CAMTA1: variants seen among roughly 807,000 people sequenced by gnomAD.
CAMTA1 encodes calmodulin binding transcription activator 1, also known as calmodulin-binding transcription activator 1.
A neutral mutation model predicts 170.9 loss-of-function variants in CAMTA1; 27 were observed. The ratio of observed to expected loss-of-function variants is 0.16; its 90% CI spans 0.12 to 0.22. The LOEUF is 0.22. Among genes scored for constraint, CAMTA1 ranks in the 10% least tolerant of loss-of-function variants. CAMTA1 has a pLI of 1.00. For synonymous variants in CAMTA1, 833 were observed against 891.5 expected (o/e 0.93, Z 1.17); for missense variants, 1,619 against 2,217.2 (o/e 0.73, Z 5.42).
chr1:7,332,896 G>A (rs568067212), intron 5 of CAMTA1, among the ~76,000 whole-genome samples: 34 of 152,340 alleles, frequency 2.2e-4, no homozygotes, highest in Middle Eastern at 3.4e-3. Context: ...GTGAGCTTGT[G>A]TGCTGAGAGG....
intron 3 of CAMTA1, among the ~76,000 whole-genome samples, chr1:6,910,013 T>C (rs1679362508): frequency 6.6e-6 from 1 of 152,194 alleles, no homozygotes. Context: ...ATCCTGAAAA[T>C]CAGTTGGCCT....
rs1336790332 is a variant in CAMTA1 at position 7,767,781 on chromosome 1, A to G, written c.*1290A>G. ...TGAAACAAAAAAACTTTATTTCACT[A>G]TAAGAGTACTTTATTTTAAATGTTC... On this transcript the variant is annotated 3_prime_UTR_variant, in exon 23 of 23. Coordinates refer to ENST00000303635, the MANE Select transcript of CAMTA1 (RefSeq NM_015215.4). 6.6e-6 allele frequency: 1 copy of G among 152,490 alleles called. No homozygotes were observed. The highest frequency in any genetic ancestry group is 1.5e-5 in the Non-Finnish European group (1 of 67,982). The allele number at this position is 152,490 out of a possible 1,614,324, so 9.4% of individuals were successfully genotyped here.
chr1:7,668,388 AACACACACACACACACACAC>A (rs779206499), intron 9 of CAMTA1, among the ~76,000 whole-genome samples: 1 of 101,422 alleles, frequency 9.9e-6, no homozygotes, highest in African/African-American at 3.7e-5. Flanking sequence ...GCTGGTCACC[AACACACACACACACACACAC>A]ACACACACAC....
At chr1:7,323,507 C>CTTTTTTTTTTTTTTTT (rs56382342) in intron 5 of CAMTA1, among the ~76,000 whole-genome samples, 10 of 108,998 alleles carry the variant, frequency 9.2e-5, no homozygotes, top group Non-Finnish European at 1.0e-4. Context: ...CTTTATTCTT[C>CTTTTTTTTTTTTTTTT]TTTTTTTTTT....
chr1:7,156,696 T>C (rs1015048220), intron 4 of CAMTA1, among the ~76,000 whole-genome samples: 3 of 152,248 alleles, frequency 2.0e-5, no homozygotes, highest in African/African-American at 7.2e-5. Context: ...ATCTGTAGCA[T>C]GTGTAACTTC....
intron 3 of CAMTA1, among the ~76,000 whole-genome samples, chr1:6,978,213 CAAA>C (rs1012030802): frequency 6.6e-6 from 1 of 152,000 alleles, no homozygotes; most frequent in Non-Finnish European, 1.5e-5. Context: ...TTGAAAATAA[CAAA>C]AAAAGTATAA....
chr1:7,289,253 C>T (rs879892285), intron 5 of CAMTA1, among the ~76,000 whole-genome samples: 30 of 152,124 alleles, frequency 2.0e-4, no homozygotes, highest in Non-Finnish European at 3.1e-4. Flanking sequence ...GACACAGATC[C>T]AAACCATATC....
chr1:7,310,635 TC>T (rs1676375137), intron 5 of CAMTA1, among the ~76,000 whole-genome samples: 4 of 14,788 alleles, frequency 2.7e-4, no homozygotes, highest in Admixed American at 7.1e-4. Context: ...TTTCTTTCTT[TC>T]TTTCTTTCTT....
chr1:7,485,857 A>T (rs978245776), intron 6 of CAMTA1, among the ~76,000 whole-genome samples: 1 of 152,218 alleles, frequency 6.6e-6, no homozygotes, highest in African/African-American at 2.4e-5. Flanking sequence ...TTCCCTCTCA[A>T]TAGAGATGGT....
At chr1:7,439,080 G>C (rs370349852) in intron 5 of CAMTA1, among the ~76,000 whole-genome samples, 1 of 152,276 alleles carries the variant, frequency 6.6e-6, no homozygotes, top group Admixed American at 6.5e-5. Flanking sequence ...GCAGGTGGTC[G>C]GTGGGGGGCT....
At chr1:7,668,410 C>CACACACAG (rs2096020802) in intron 9 of CAMTA1, among the ~76,000 whole-genome samples, 1 of 144,754 alleles carries the variant, frequency 6.9e-6, no homozygotes, top group African/African-American at 2.7e-5. Context: ...CACACACACA[C>CACACACAG]ACACACACAC....
At chr1:7,604,998 A>G (rs1299737390) in intron 6 of CAMTA1, among the ~76,000 whole-genome samples, 1 of 152,090 alleles carries the variant, frequency 6.6e-6, no homozygotes, top group African/African-American at 2.4e-5. Flanking sequence ...AACAGCGGAT[A>G]TTGGTGAACA....
At chr1:6,843,843 G>A (rs1162475654) in intron 3 of CAMTA1, among the ~76,000 whole-genome samples, 1 of 152,158 alleles carries the variant, frequency 6.6e-6, no homozygotes, top group African/African-American at 2.4e-5. Context: ...GTATAATTTA[G>A]ATGCCCTTAT....
At chr1:7,405,957 T>G (rs928672492) in intron 5 of CAMTA1, among the ~76,000 whole-genome samples, 1 of 152,176 alleles carries the variant, frequency 6.6e-6, no homozygotes, top group Non-Finnish European at 1.5e-5. Flanking sequence ...ATTTTGCTGT[T>G]GTGAGGGTGA....
chr1:7,341,421 C>A (rs2083824169), intron 5 of CAMTA1, among the ~76,000 whole-genome samples: 1 of 152,242 alleles, frequency 6.6e-6, no homozygotes, highest in African/African-American at 2.4e-5. Flanking sequence ...AGCTGTCATC[C>A]TGTCCAGTGA....
chr1:7,164,984 A>C (rs553924167), intron 4 of CAMTA1, among the ~76,000 whole-genome samples: 1 of 152,366 alleles, frequency 6.6e-6, no homozygotes, highest in East Asian at 1.9e-4. Flanking sequence ...TTTCTTTATG[A>C]GAAAGTGTTT....
At chr1:7,047,617 T>G (rs1012697735) in intron 3 of CAMTA1, among the ~76,000 whole-genome samples, 10 of 152,142 alleles carry the variant, frequency 6.6e-5, no homozygotes, top group African/African-American at 2.4e-4. Context: ...AAGTTGCCCT[T>G]TAACTGGCCA....
chr1:7,581,983 C>T (rs1318821291), intron 6 of CAMTA1, among the ~76,000 whole-genome samples: 5 of 152,148 alleles, frequency 3.3e-5, no homozygotes, highest in African/African-American at 7.2e-5. Context: ...CGTGTGCCGG[C>T]GAAGCTCTCT....
chr1:7,697,632 T>C (rs960740880), intron 11 of CAMTA1, among the ~76,000 whole-genome samples: 2 of 152,220 alleles, frequency 1.3e-5, no homozygotes, highest in Non-Finnish European at 2.9e-5. Context: ...GCTGGCGGAA[T>C]GGATGGGCCT....
Sources: allele counts gnomAD v4.1 joint callset (sites outside exome capture counted in the v4.1 genomes callset), GRCh38; gene constraint gnomAD v4.1.1; transcripts MANE v1.5; gene names NCBI Gene and HGNC (gene_info 2026-07-23, HGNC 2026-07-21).